Variants in SEC13 observed in about 807,000 individuals in gnomAD.
SEC13 encodes protein SEC13 homolog.
SEC13 carries 25 observed loss-of-function variants against 49.2 expected under a neutral mutation model. The observed-to-expected ratio is 0.51, with a 90% CI of 0.37 to 0.71. SEC13 has a LOEUF of 0.71. Ranked by LOEUF, SEC13 falls within the 30% of genes least tolerant of loss-of-function variation. The pLI is 0.00. For missense variants in SEC13, 383 were observed against 417.6 expected (o/e 0.92, Z 0.72); for synonymous variants, 148 against 163.9 (o/e 0.90, Z 0.74).
At chr3:10,306,188 AT>A (rs1158783307) in intron 5 of SEC13, among the ~76,000 whole-genome samples, 3 of 152,004 alleles carry the variant, frequency 2.0e-5, no homozygotes, top group African/African-American at 2.4e-5. Flanking sequence ...TCCATTAAAC[AT>A]TTTTTTGGAT....
In SEC13 at chr3:10,305,178, G is replaced by C. The variant is rs770474726; in HGVS notation, c.585-22C>G. 7 of 1,596,110 alleles carry C rather than the reference G, an allele frequency of 4.4e-6. No individual in the cohort carries two copies. In the Admixed American group the frequency reaches 1.0e-4, roughly 23 times the overall value. On this transcript the variant is annotated intron_variant, in intron 6 of 8. Coordinates refer to ENST00000350697, the MANE Select transcript of SEC13 (RefSeq NM_183352.3). ...CTCCCTAACAGTGGGGACAGAAAGA[G>C]AATCAGCAGGGGGCCGTTCCCACAC... is the stretch of plus-strand genomic sequence containing the variant.
chr3:10,303,256 C>T (rs149421980), intron 8 of SEC13, among the ~76,000 whole-genome samples: 14 of 152,340 alleles, frequency 9.2e-5, no homozygotes, highest in Non-Finnish European at 1.8e-4. Flanking sequence ...CAGACCAACT[C>T]GCACTTCAGG....
At chr3:10,312,417 A>G (rs1482055645) in intron 4 of SEC13, among the ~76,000 whole-genome samples, 162 bp downstream of exon 4, 1 of 152,208 alleles carries the variant, frequency 6.6e-6, no homozygotes, top group Non-Finnish European at 1.5e-5. Flanking sequence ...TTTAGGTCTT[A>G]GGGCCTTACT....
intron 3 of SEC13, 51 bp downstream of exon 3, chr3:10,315,270 T>G: frequency 1.2e-3 from 1,531 of 1,294,852 alleles, no homozygotes; most frequent in Non-Finnish European, 1.6e-3. Flanking sequence ...AAGCAGGGCC[T>G]GAGAACCCAC....
rs1395793199 is a variant in SEC13 at position 10,311,477 on chromosome 3, G to C, written c.450+488C>G. ...GTGTGGTGGTAGGAGGTAGGACATT[G>C]ATGTTCGCTTTGCAAACATTTATTC... On this transcript the variant is annotated intron_variant, in intron 5 of 8. Transcript: ENST00000350697. The C allele has an allele frequency of 3.9e-5, 8 of 205,864 alleles. 1 individual carries two copies. The highest frequency in any genetic ancestry group is 6.1e-5 in the Non-Finnish European group (7 of 115,592). 12.8% of individuals were successfully genotyped at this position (205,864 alleles called of 1,614,324 possible). A position where few individuals can be genotyped will look rare whatever the true frequency, so the allele number is the denominator to read the frequency against.
Position 10,321,043 on chromosome 3 carries a change from C to T in SEC13, c.3+7G>A, listed in dbSNP as rs1274859979. The T allele has an allele frequency of 6.2e-7, 1 of 1,613,320 alleles. No homozygotes were observed. The highest frequency in any genetic ancestry group is 1.3e-5 in the African/African-American group (1 of 74,942). On this transcript the variant is annotated splice_region_variant and intron_variant, in intron 1 of 8. Transcript: ENST00000350697. The surrounding 1 kb of genome is among the most constrained non-coding windows in gnomAD (Gnocchi z 4.1). The stretch of plus-strand genomic sequence containing the variant: ...CCCTGCTAGGCCTCCTCAGTACCAA[C>T]ACTCACCATGATTGCGGCGGTGGCT...
Position 10,318,074 on chromosome 3 carries a change from C to T in SEC13, c.24G>A (p.Val8=), listed in dbSNP as rs752602045. Residue 8 remains valine (V), a synonymous_variant, in exon 2 of 9, where the codon GTG becomes GTA. Transcript: ENST00000350697. The stretch of plus-strand genomic sequence containing the variant: ...CAATCATGTCCTCATGGGAGGTATC[C>T]ACAGTGTTAATTACTGACACCTAGA... MVSVINT[V]DTSHEDMIHD... 1.1e-5 allele frequency: 17 copies of T among 1,605,560 alleles called. No homozygotes were observed. The Admixed American group carries it at 1.8e-4, about 17-fold the overall frequency.
Position 10,301,245 on chromosome 3 carries a change from G to T in SEC13, c.*16C>A. 1.9e-6 allele frequency: 3 copies of T among 1,614,188 alleles called. No individual in the cohort carries two copies. The East Asian group carries it at 6.7e-5, about 36-fold the overall frequency. ...CCTGGAGCTGGCGGGTGGGGAGCCA[G>T]GCCCCACCTGTCTTGTCACTGCTCG... On this transcript the variant is annotated 3_prime_UTR_variant, in exon 9 of 9. Transcript: ENST00000350697.
At position 10,311,621 on chromosome 3, in the gene SEC13, TA is replaced by T. The variant is rs111583891; in HGVS notation, c.450+343del. On this transcript the variant is annotated intron_variant, in intron 5 of 8. Coordinates refer to ENST00000350697, the MANE Select transcript of SEC13 (RefSeq NM_183352.3). Reference sequence around the variant, plus strand: ...ATGTATGCATAGCTCACATACTTTTTAAAAGTTTTAATAACACCACTCCATT... The same window carrying T: ...ATGTATGCATAGCTCACATACTTTTTAAAGTTTTAATAACACCACTCCATT... The T allele has an allele frequency of 7.3e-6, 8 of 1,098,860 alleles. No homozygotes were observed. The African/African-American group carries it at 9.8e-5, about 13-fold the overall frequency. The allele number at this position is 1,098,860 out of a possible 1,614,324, so 68.1% of individuals were successfully genotyped here.
rs1367708552 is a variant in SEC13 at position 10,305,617 on chromosome 3, G to A, written c.526C>T (p.Pro176Ser). The change falls in exon 6 of 9, where the codon CCC becomes TCC. Residue 176 changes from proline to serine, a missense_variant. Transcript: ENST00000350697. ...GATGCAAACCTCTTGATGTAATTGG[G>A]TTTCTGCCCCGATGGGTGGTCTATG... ...SLIDHPSGQK[P>S]NYIKRFASGG... 2 of 1,614,082 alleles carry A rather than the reference G, an allele frequency of 1.2e-6. No individual in the cohort carries two copies. Among genetic ancestry groups the A allele is most frequent in the African/African-American group, 2.7e-5 (2 of 74,942 alleles).
chr3:10,317,283 G>C (rs977257389), intron 2 of SEC13, among the ~76,000 whole-genome samples: 1 of 152,108 alleles, frequency 6.6e-6, no homozygotes, highest in African/African-American at 2.4e-5. Flanking sequence ...TGAATCCAGA[G>C]AACATATACA....
At chr3:10,310,103 T>C (rs1315546162) in intron 5 of SEC13, among the ~76,000 whole-genome samples, 1 of 152,136 alleles carries the variant, frequency 6.6e-6, no homozygotes, top group Non-Finnish European at 1.5e-5. Flanking sequence ...TTCCACTCAC[T>C]CGGTGTTACA....
chr3:10,303,725 T>G, intron 8 of SEC13: 1 of 454,802 alleles, frequency 2.2e-6, no homozygotes, highest in South Asian at 2.1e-5. Context: ...CACCATGAGG[T>G]GACCAAATGC....
chr3:10,303,957 G>A (rs574202927), intron 8 of SEC13, 69 bp downstream of exon 8: 142 of 1,560,138 alleles, frequency 9.1e-5, no homozygotes, highest in African/African-American at 3.2e-4. Context: ...AATGTCAAGT[G>A]CCCTCTCTAG....
At position 10,301,144 on chromosome 3, in the gene SEC13, C is replaced by T. The variant is rs746717092; in HGVS notation, c.*117G>A. The T allele has an allele frequency of 1.9e-6, 3 of 1,613,890 alleles. No homozygotes were observed. The highest frequency in any genetic ancestry group is 2.5e-6 in the Non-Finnish European group (3 of 1,179,878). ...TCAATCTGTGGCTGCATCTGTAACT[C>T]CTCCTGGGAAAATAATCCTGTTGGA... On this transcript the variant is annotated 3_prime_UTR_variant, in exon 9 of 9. Transcript: ENST00000350697.
At chr3:10,301,770 G>C (rs1700536478) in intron 8 of SEC13, among the ~76,000 whole-genome samples, 1 of 152,150 alleles carries the variant, frequency 6.6e-6, no homozygotes, top group Non-Finnish European at 1.5e-5. Flanking sequence ...GGAAGCTCTG[G>C]GGGTGGGGCT....
At chr3:10,310,637 A>G (rs1168527263) in intron 5 of SEC13, among the ~76,000 whole-genome samples, 6 of 152,254 alleles carry the variant, frequency 3.9e-5, no homozygotes, top group Non-Finnish European at 1.5e-5. Flanking sequence ...GGAATGTAAA[A>G]GGGTACAGTT....
Position 10,321,106 on chromosome 3 carries a change from TC to T in SEC13, c.-55del. 1 of 1,610,876 alleles carries T rather than the reference TC, an allele frequency of 6.2e-7. No individual in the cohort carries two copies. Among genetic ancestry groups the T allele is most frequent in the Non-Finnish European group, 8.5e-7 (1 of 1,179,032 alleles). On this transcript the variant is annotated 5_prime_UTR_variant, in exon 1 of 9. Coordinates refer to ENST00000350697, the MANE Select transcript of SEC13 (RefSeq NM_183352.3). The surrounding 1 kb of genome is among the most constrained non-coding windows in gnomAD (Gnocchi z 4.1). ...GGACGTGGCAGCTCCCGGCGGCGCCTCGGAACAGCTCACTTCCGGCGCCGGG... is the reference window on the plus strand; with the variant it reads ...GGACGTGGCAGCTCCCGGCGGCGCCTGGAACAGCTCACTTCCGGCGCCGGG...
chr3:10,314,183 T>C (rs950749761), intron 3 of SEC13, among the ~76,000 whole-genome samples: 1 of 152,198 alleles, frequency 6.6e-6, no homozygotes, highest in African/African-American at 2.4e-5. Flanking sequence ...GGCACCATCG[T>C]GGCTCACTGC....
Sources: allele counts gnomAD v4.1 joint callset (sites outside exome capture counted in the v4.1 genomes callset), GRCh38; gene constraint gnomAD v4.1.1; non-coding constraint Gnocchi (gnomAD v3.1); transcripts MANE v1.5; gene names NCBI Gene and HGNC (gene_info 2026-07-23, HGNC 2026-07-21).